The following TENM2 variants were observed in gnomAD, a reference collection of about 807,000 sequenced individuals.
TENM2 encodes teneurin transmembrane protein 2, also known as teneurin-2.
A neutral mutation model predicts 245.2 loss-of-function variants in TENM2; 52 were observed. The observed-to-expected ratio is 0.21, with a 90% CI of 0.17 to 0.27. TENM2 has a LOEUF of 0.27. Among genes scored for constraint, TENM2 ranks in the 10% least tolerant of loss-of-function variants. TENM2 has a pLI of 1.00. For synonymous variants in TENM2, 1,363 were observed against 1,438.9 expected (o/e 0.95, Z 1.19); for missense variants, 3,046 against 3,666.8 (o/e 0.83, Z 4.37).
At position 168,247,131 on chromosome 5, in the gene TENM2, G is replaced by A. The variant is rs1303942530; in HGVS notation, c.6192G>A (p.Arg2064=). 1.2e-6 allele frequency: 2 copies of A among 1,613,850 alleles called. No individual in the cohort carries two copies. The highest frequency in any genetic ancestry group is 1.7e-6 in the Non-Finnish European group (2 of 1,179,882). Residue 2064 remains arginine, a synonymous_variant, in exon 27 of 29, where the codon AGG becomes AGA. Transcript: ENST00000518659. This position sits in a 1 kb window ranked among gnomAD's most constrained non-coding sequence, Gnocchi z 7.8. ...GTGGGGGCTTCTCCTGCACCATCAGGTACCGGAAGATTGGCCCCCTGGTGG... is the reference window on the plus strand; with the variant it reads ...GTGGGGGCTTCTCCTGCACCATCAGATACCGGAAGATTGGCCCCCTGGTGG...
intron 23 of TENM2, among the ~76,000 whole-genome samples, chr5:168,224,432 C>T (rs1763966028): frequency 6.6e-6 from 1 of 152,246 alleles, no homozygotes; most frequent in Admixed American, 6.5e-5. Flanking sequence ...CAGAGCTTCA[C>T]TGCTTCTAGT....
intron 2 of TENM2, among the ~76,000 whole-genome samples, chr5:167,455,925 A>G (rs1030027867): frequency 2.1e-4 from 32 of 152,320 alleles, no homozygotes; most frequent in African/African-American, 7.7e-4. Context: ...TGGTAGCAAG[A>G]TGATGAGAGG....
the TENM2 span, among the ~76,000 whole-genome samples, chr5:167,070,317 G>A: frequency 1.0e-5 from 1 of 97,334 alleles, no homozygotes; most frequent in Admixed American, 9.7e-5. Context: ...TTTTAGTAGA[G>A]ATGGGGTTTC....
chr5:168,126,155 C>T (rs572254049), intron 11 of TENM2, among the ~76,000 whole-genome samples: 28 of 152,270 alleles, frequency 1.8e-4, no homozygotes, highest in East Asian at 7.7e-4. Flanking sequence ...ACAATTACAG[C>T]GGTCATTATC....
At chr5:167,025,945 A>T in the TENM2 span, among the ~76,000 whole-genome samples, 2 of 152,288 alleles carry the variant, frequency 1.3e-5, no homozygotes, top group East Asian at 3.9e-4. Flanking sequence ...AAAAAGGATG[A>T]AAATTTTCAT....
At chr5:167,929,101 GAAA>G (rs1778055833) in intron 3 of TENM2, among the ~76,000 whole-genome samples, 2 of 104,936 alleles carry the variant, frequency 1.9e-5, no homozygotes, top group African/African-American at 7.6e-5. Flanking sequence ...AAGAAAGAAA[GAAA>G]GAAAGAAAGA....
At chr5:167,016,281 C>CAAA in the TENM2 span, among the ~76,000 whole-genome samples, 907 of 78,812 alleles carry the variant, frequency 0.012, 4 homozygotes, top group Non-Finnish European at 0.019. Flanking sequence ...AACAAACAAA[C>CAAA]AAAAAAAAAA....
chr5:167,747,127 T>C (rs993480503), intron 2 of TENM2, among the ~76,000 whole-genome samples: 1 of 152,168 alleles, frequency 6.6e-6, no homozygotes, highest in African/African-American at 2.4e-5. Context: ...GGTGATGAGC[T>C]GATATTTAGC....
the TENM2 span, among the ~76,000 whole-genome samples, chr5:167,080,204 T>C: frequency 0.041 from 6,301 of 152,284 alleles, 176 homozygotes; most frequent in South Asian, 0.092. Flanking sequence ...GATGATTAAG[T>C]AACATGTTTT....
At chr5:167,009,485 G>T in the TENM2 span, among the ~76,000 whole-genome samples, 3 of 152,040 alleles carry the variant, frequency 2.0e-5, no homozygotes, top group Non-Finnish European at 4.4e-5. Context: ...TTGGAATAAG[G>T]TGTTAAAAAT....
intron 2 of TENM2, among the ~76,000 whole-genome samples, chr5:167,499,971 G>T (rs1240080697): frequency 8.3e-6 from 1 of 121,000 alleles, no homozygotes. Context: ...TGTATGTGAG[G>T]GTGTGTGTGT....
In TENM2 at chr5:167,336,977, C is replaced by T. The variant is rs1405967336; in HGVS notation, c.227-38221C>T. 3.9e-4 allele frequency among the ~76,000 whole-genome samples: 58 copies of T among 149,684 alleles called. 1 individual carries two copies. The highest frequency in any genetic ancestry group is 1.3e-3 in the African/African-American group (54 of 40,812). On this transcript the variant is annotated intron_variant, in intron 1 of 28. Coordinates refer to ENST00000518659, the Ensembl canonical transcript of TENM2. ...CTAAAAATACAAAAAATTAGCCGGGCGCGGTGGCGGGCGCCTGTAGTCCCA... is the reference window on the plus strand; with the variant it reads ...CTAAAAATACAAAAAATTAGCCGGGTGCGGTGGCGGGCGCCTGTAGTCCCA...
chr5:167,493,803 G>GTAT (rs1768603634), intron 2 of TENM2, among the ~76,000 whole-genome samples: 1 of 152,068 alleles, frequency 6.6e-6, no homozygotes, highest in African/African-American at 2.4e-5. Flanking sequence ...GAAAGAAGGA[G>GTAT]TATTTGGCTT....
chr5:168,192,954 G>C (rs1307618640), intron 14 of TENM2, among the ~76,000 whole-genome samples: 1 of 151,986 alleles, frequency 6.6e-6, no homozygotes, highest in African/African-American at 2.4e-5. Flanking sequence ...TCTCCACCTG[G>C]CCCTTCTGGT....
intron 2 of TENM2, among the ~76,000 whole-genome samples, chr5:167,592,538 T>TA (rs1296649762): frequency 2.0e-5 from 3 of 152,212 alleles, no homozygotes; most frequent in Non-Finnish European, 4.4e-5. Context: ...ACTCAATCCT[T>TA]ATATTGGTTA....
At position 167,402,864 on chromosome 5, in the gene TENM2, C is replaced by T. The variant is rs1199574618; in HGVS notation, c.502+27391C>T. 2.0e-5 allele frequency among the ~76,000 whole-genome samples: 3 copies of T among 152,112 alleles called. No individual in the cohort carries two copies. The East Asian group carries it at 5.8e-4, about 29-fold the overall frequency. ...ACATGCAGCCTTGTTGCCTAATTCA[C>T]TCTTGGGTGACCAGTCTTAAATGAT... is the stretch of plus-strand genomic sequence containing the variant. On this transcript the variant is annotated intron_variant, in intron 2 of 28. Coordinates refer to ENST00000518659, the Ensembl canonical transcript of TENM2.
At chr5:167,011,899 G>T in the TENM2 span, among the ~76,000 whole-genome samples, 1 of 152,068 alleles carries the variant, frequency 6.6e-6, no homozygotes, top group Non-Finnish European at 1.5e-5. Flanking sequence ...ACTTGTAAAA[G>T]TGCATTGTTC....
chr5:167,111,787 T>A, the TENM2 span, among the ~76,000 whole-genome samples: 1 of 152,236 alleles, frequency 6.6e-6, no homozygotes, highest in East Asian at 1.9e-4. Flanking sequence ...TTTATGAGAC[T>A]GTTTTACACA....
chr5:167,475,588 A>C (rs1214167621), intron 2 of TENM2, among the ~76,000 whole-genome samples: 1 of 152,088 alleles, frequency 6.6e-6, no homozygotes, highest in African/African-American at 2.4e-5. Flanking sequence ...TCAACCCATC[A>C]TCTAGGCTTT....
Sources: allele counts gnomAD v4.1 joint callset (sites outside exome capture counted in the v4.1 genomes callset), GRCh38; gene constraint gnomAD v4.1.1; non-coding constraint Gnocchi (gnomAD v3.1); transcripts MANE v1.5; gene names NCBI Gene and HGNC (gene_info 2026-07-23, HGNC 2026-07-21).